GRID2: variants seen among roughly 807,000 people sequenced by gnomAD.
GRID2 encodes the protein glutamate ionotropic receptor delta type subunit 2, also known as glutamate receptor ionotropic, delta-2.
Under a neutral mutation model 114.8 loss-of-function variants are expected in GRID2, and 33 were observed. That is an observed-to-expected ratio of 0.29 (90% CI 0.22 to 0.38). The LOEUF is 0.38. Among genes scored for constraint, GRID2 ranks in the 10% least tolerant of loss-of-function variants. The probability of loss-of-function intolerance (pLI) is 1.00; values close to 1 mark genes in which losing one functional copy is unlikely to be tolerated. For synonymous variants in GRID2, 505 were observed against 449.9 expected (o/e 1.12, Z -1.55); for missense variants, 1,184 against 1,257.7 (o/e 0.94, Z 0.89).
intron 14 of GRID2, among the ~76,000 whole-genome samples, chr4:93,698,186 T>C (rs1385760563): frequency 6.6e-6 from 1 of 151,992 alleles, no homozygotes; most frequent in Non-Finnish European, 1.5e-5. Flanking sequence ...CAAAAAATTA[T>C]AGAAATCGCT....
chr4:93,492,351 C>G (rs1727090801), intron 12 of GRID2, among the ~76,000 whole-genome samples: 2 of 151,806 alleles, frequency 1.3e-5, no homozygotes, highest in African/African-American at 2.4e-5. Context: ...GGATAAGTAA[C>G]TCACCCAAAG....
At chr4:92,977,393 A>G (rs373596887) in intron 2 of GRID2, among the ~76,000 whole-genome samples, 1 of 152,206 alleles carries the variant, frequency 6.6e-6, no homozygotes. Flanking sequence ...AAGAAAGAAC[A>G]TGGGGACTTC....
rs1456190765 is a variant in GRID2 at position 93,524,791 on chromosome 4, A to G, written c.2193+9380A>G. 2.6e-3 allele frequency among the ~76,000 whole-genome samples: 212 copies of G among 81,708 alleles called. 3 individuals carry two copies. The highest frequency in any genetic ancestry group is 3.4e-3 in the Non-Finnish European group (148 of 43,250). The allele number at this position is 81,708 out of a possible 152,430, so 53.6% of individuals were successfully genotyped here. A position where few individuals can be genotyped will look rare whatever the true frequency, so the allele number is the denominator to read the frequency against. On this transcript the variant is annotated intron_variant, in intron 13 of 15. Transcript: ENST00000282020. ...AAAATATATGTATGTATGTGTATATATATATATATATATATATATATATGT... is the reference window on the plus strand; with the variant it reads ...AAAATATATGTATGTATGTGTATATGTATATATATATATATATATATATGT...
chr4:93,556,616 A>G (rs534824944), intron 13 of GRID2, among the ~76,000 whole-genome samples: 236 of 152,278 alleles, frequency 1.5e-3, no homozygotes, highest in African/African-American at 4.7e-3. Flanking sequence ...GACCAAACCT[A>G]CGTTTGACTG....
downstream of GRID2, among the ~76,000 whole-genome samples, chr4:93,775,445 C>A (rs2110346663): frequency 6.6e-6 from 1 of 152,312 alleles, no homozygotes; most frequent in African/African-American, 2.4e-5. Flanking sequence ...CTCTAGGATC[C>A]TTCCTTCCTT....
chr4:92,621,989 G>C (rs750788109), intron 2 of GRID2, among the ~76,000 whole-genome samples: 1 of 151,732 alleles, frequency 6.6e-6, no homozygotes. Context: ...TTGAACTATT[G>C]AGCTAATAGA....
chr4:93,200,821 A>G (rs987810704), intron 4 of GRID2, among the ~76,000 whole-genome samples: 18 of 152,220 alleles, frequency 1.2e-4, no homozygotes, highest in Admixed American at 9.2e-4. Flanking sequence ...TACTAATCCC[A>G]TGAGACTTGC....
chr4:93,470,304 TA>T (rs1343782514), intron 11 of GRID2, among the ~76,000 whole-genome samples: 7 of 152,158 alleles, frequency 4.6e-5, no homozygotes, highest in Admixed American at 4.6e-4. Context: ...GTAATTTGGC[TA>T]AGTAAAAGTC....
intron 2 of GRID2, among the ~76,000 whole-genome samples, chr4:92,742,199 TGTAA>T (rs1420206386): frequency 7.2e-5 from 11 of 152,200 alleles, no homozygotes; most frequent in African/African-American, 1.9e-4. Flanking sequence ...GTACAATTTC[TGTAA>T]GTGAGAATTT....
At chr4:92,984,040 A>G (rs1378588232) in intron 2 of GRID2, among the ~76,000 whole-genome samples, 6 of 152,228 alleles carry the variant, frequency 3.9e-5, no homozygotes, top group Admixed American at 2.6e-4. Flanking sequence ...TTGATAAAAT[A>G]AGAAACTTCA....
intron 2 of GRID2, among the ~76,000 whole-genome samples, chr4:92,832,187 C>A (rs1445917639): frequency 1.3e-5 from 2 of 152,000 alleles, no homozygotes; most frequent in East Asian, 3.9e-4. Context: ...CTCCTGTAAT[C>A]CCAGCACTTT....
chr4:92,955,346 T>A (rs1360557634), intron 2 of GRID2, among the ~76,000 whole-genome samples: 2 of 152,144 alleles, frequency 1.3e-5, no homozygotes, highest in Non-Finnish European at 2.9e-5. Context: ...TGGATTTGAT[T>A]TGCATTTCTC....
chr4:92,772,321 A>G (rs1433996682), intron 2 of GRID2, among the ~76,000 whole-genome samples: 1 of 152,094 alleles, frequency 6.6e-6, no homozygotes, highest in African/African-American at 2.4e-5. Flanking sequence ...TTTTATTCAT[A>G]TGTAATGTTC....
intron 2 of GRID2, among the ~76,000 whole-genome samples, chr4:92,688,148 C>T (rs1355059382): frequency 7.0e-6 from 1 of 142,292 alleles, no homozygotes; most frequent in Non-Finnish European, 1.5e-5. Context: ...CTCCTGGGTT[C>T]AAGCGCTTCT....
chr4:93,726,618 C>T (rs1018197312), intron 14 of GRID2, among the ~76,000 whole-genome samples: 1 of 152,160 alleles, frequency 6.6e-6, no homozygotes, highest in African/African-American at 2.4e-5. Context: ...TACCCATGAG[C>T]ATGGAATGTT....
chr4:93,037,655 T>A (rs1725051811), intron 2 of GRID2, among the ~76,000 whole-genome samples: 1 of 152,208 alleles, frequency 6.6e-6, no homozygotes, highest in Non-Finnish European at 1.5e-5. Context: ...GCTTTCTGCA[T>A]ATGGCTAGCC....
intron 2 of GRID2, among the ~76,000 whole-genome samples, chr4:92,849,307 C>T (rs1218242059): frequency 1.3e-5 from 2 of 151,832 alleles, no homozygotes; most frequent in Non-Finnish European, 1.5e-5. Flanking sequence ...ATCTGCAGGG[C>T]CTGGTTTCTC....
At chr4:93,549,240 T>C (rs1733534495) in intron 13 of GRID2, among the ~76,000 whole-genome samples, 1 of 152,126 alleles carries the variant, frequency 6.6e-6, no homozygotes, top group Admixed American at 6.5e-5. Context: ...CAAAAACTCA[T>C]CCAAGGGAGA....
chr4:93,733,030 A>T (rs1033240623), intron 14 of GRID2, among the ~76,000 whole-genome samples: 1 of 152,128 alleles, frequency 6.6e-6, no homozygotes, highest in Admixed American at 6.5e-5. Context: ...TTAACAACAT[A>T]TTTGTATTGT....
Sources: gnomAD v4.1 joint callset for allele counts (sites outside exome capture counted in the v4.1 genomes callset) on GRCh38, gnomAD v4.1.1 for gene constraint, MANE v1.5 for transcripts, NCBI Gene and HGNC (gene_info 2026-07-23, HGNC 2026-07-21) for gene names.